SLC35F4: variants seen among roughly 807,000 people sequenced by gnomAD.
SLC35F4 encodes the protein solute carrier family 35 member F4.
A neutral mutation model predicts 44.2 loss-of-function variants in SLC35F4; 24 were observed. The observed-to-expected ratio is 0.54, with a 90% CI of 0.39 to 0.76. SLC35F4 has a LOEUF of 0.76. SLC35F4 is among the 30% of genes least tolerant of loss of function. SLC35F4 has a pLI of 0.00. For synonymous variants in SLC35F4, 238 were observed against 223.6 expected, an observed-to-expected ratio of 1.06 and a Z score of -0.57; for missense variants, 562 against 586.1, an observed-to-expected ratio of 0.96 and a Z score of 0.42.
At chr14:57,647,781 CT>C (rs918494765) in intron 1 of SLC35F4, among the ~76,000 whole-genome samples, 2 of 152,130 alleles carry the variant, frequency 1.3e-5, no homozygotes, top group African/African-American at 4.8e-5. Context: ...TCCTTCACAC[CT>C]GATCACCCTC....
intron 1 of SLC35F4, among the ~76,000 whole-genome samples, chr14:57,637,977 G>A (rs1042609675): frequency 6.6e-6 from 1 of 152,102 alleles, no homozygotes; most frequent in Non-Finnish European, 1.5e-5. Flanking sequence ...CTGATGGAAT[G>A]CACTCTTTGT....
At chr14:57,802,472 T>C (rs1314344455) in intron 1 of SLC35F4, among the ~76,000 whole-genome samples, 1 of 147,194 alleles carries the variant, frequency 6.8e-6, no homozygotes, top group African/African-American at 2.5e-5. Flanking sequence ...AGATCAGAGC[T>C]GAACTCAAGG....
chr14:57,887,509 G>A (rs1555400090), intron 1 of SLC35F4, among the ~76,000 whole-genome samples: 2 of 152,198 alleles, frequency 1.3e-5, no homozygotes, highest in Non-Finnish European at 2.9e-5. Flanking sequence ...GAGAAACAGA[G>A]CCCCCTCATT....
At chr14:57,566,409 A>G (rs1594870577) in intron 7 of SLC35F4, 66 bp downstream of exon 7, 1 of 1,456,774 alleles carries the variant, frequency 6.9e-7, no homozygotes, top group Admixed American at 2.0e-5. Flanking sequence ...AACTCAGGAC[A>G]CAGAACAAAC....
At chr14:57,584,965 T>C (rs1405577821) in intron 3 of SLC35F4, among the ~76,000 whole-genome samples, 1 of 152,164 alleles carries the variant, frequency 6.6e-6, no homozygotes, top group African/African-American at 2.4e-5. Flanking sequence ...TAAATACTGT[T>C]TAAAAATTTT....
chr14:57,765,105 A>C (rs977957293), intron 1 of SLC35F4, among the ~76,000 whole-genome samples: 2 of 137,376 alleles, frequency 1.5e-5, no homozygotes, highest in East Asian at 3.9e-4. Context: ...ATCTGGTGGA[A>C]CTATGATTAT....
chr14:57,840,257 C>G (rs1304733040), intron 1 of SLC35F4, among the ~76,000 whole-genome samples: 1 of 152,178 alleles, frequency 6.6e-6, no homozygotes, highest in Non-Finnish European at 1.5e-5. Context: ...CAAAGGATAA[C>G]CATTAATTCT....
intron 1 of SLC35F4, among the ~76,000 whole-genome samples, chr14:57,719,582 AT>A (rs34145342): frequency 1.3e-5 from 1 of 74,450 alleles, no homozygotes; most frequent in Admixed American, 1.5e-4. Context: ...ATTTGTGGCT[AT>A]TTTTCCTGGG....
intron 1 of SLC35F4, among the ~76,000 whole-genome samples, chr14:57,894,284 T>C (rs1410085685): frequency 6.6e-6 from 1 of 152,124 alleles, no homozygotes; most frequent in Admixed American, 6.6e-5. Flanking sequence ...GAACTGATCA[T>C]GTCATGTTCC....
chr14:57,604,862 A>G (rs934897407), intron 1 of SLC35F4, among the ~76,000 whole-genome samples: 5 of 152,150 alleles, frequency 3.3e-5, no homozygotes, highest in Non-Finnish European at 7.4e-5. Context: ...GGGGGAAAGG[A>G]TCCCTATTCA....
At chr14:57,853,272 A>G (rs546879810) in intron 1 of SLC35F4, among the ~76,000 whole-genome samples, 3 of 152,216 alleles carry the variant, frequency 2.0e-5, no homozygotes, top group Non-Finnish European at 4.4e-5. Context: ...TACAGTATCT[A>G]TAAGTTCATT....
intron 1 of SLC35F4, among the ~76,000 whole-genome samples, chr14:57,957,923 C>A (rs142220666): frequency 6.6e-6 from 1 of 152,118 alleles, no homozygotes; most frequent in African/African-American, 2.4e-5. Flanking sequence ...CCCCTAGGAA[C>A]AATGATTCAT....
chr14:57,830,605 T>TA (rs1252199131), intron 1 of SLC35F4, among the ~76,000 whole-genome samples: 2 of 152,170 alleles, frequency 1.3e-5, no homozygotes, highest in Non-Finnish European at 2.9e-5. Flanking sequence ...GCCTATAACT[T>TA]AAAATCTCAT....
intron 1 of SLC35F4, among the ~76,000 whole-genome samples, chr14:57,891,160 A>T (rs1888755481): frequency 6.6e-6 from 1 of 152,216 alleles, no homozygotes; most frequent in Non-Finnish European, 1.5e-5. Flanking sequence ...TGGCTCCTGT[A>T]AGTATCAAAA....
intron 1 of SLC35F4, among the ~76,000 whole-genome samples, chr14:57,655,251 T>C (rs962914827): frequency 7.3e-4 from 111 of 152,254 alleles, no homozygotes; most frequent in African/African-American, 2.6e-3. Flanking sequence ...AATAATCTTT[T>C]TCTAGAAGTT....
chr14:57,738,715 T>C (rs997726737), intron 1 of SLC35F4, among the ~76,000 whole-genome samples: 2 of 145,438 alleles, frequency 1.4e-5, no homozygotes, highest in South Asian at 2.2e-4. Flanking sequence ...TTAGCACCCA[T>C]AGAAAGCCTT....
At chr14:57,659,912 G>A (rs2074084650) in intron 1 of SLC35F4, among the ~76,000 whole-genome samples, 1 of 152,122 alleles carries the variant, frequency 6.6e-6, no homozygotes, top group African/African-American at 2.4e-5. Context: ...GCTACAAGAA[G>A]CCTGCCAAAG....
Position 57,812,598 on chromosome 14 carries a change from G to A in SLC35F4, c.103+53125C>T, listed in dbSNP as rs576692471. ...GTGGCATTTCACCCAGTGCTCAAGG[G>A]TCCTGGGGCCCAATGAATTTGGATT... On this transcript the variant is annotated intron_variant, in intron 1 of 7. Coordinates refer to ENST00000556826, the MANE Select transcript of SLC35F4 (RefSeq NM_001306087.2). Among the ~76,000 whole-genome samples the A allele has an allele frequency of 5.9e-5, 9 of 152,224 alleles. No homozygotes were observed. The South Asian group carries it at 1.7e-3, about 28-fold the overall frequency.
At chr14:57,788,964 G>A (rs1043550831) in intron 1 of SLC35F4, among the ~76,000 whole-genome samples, 1 of 152,198 alleles carries the variant, frequency 6.6e-6, no homozygotes, top group African/African-American at 2.4e-5. Flanking sequence ...TGAACCCAAT[G>A]AGAACAAAGA....
Sources: allele counts gnomAD v4.1 joint callset (sites outside exome capture counted in the v4.1 genomes callset), GRCh38; gene constraint gnomAD v4.1.1; transcripts MANE v1.5; gene names NCBI Gene and HGNC (gene_info 2026-07-23, HGNC 2026-07-21).